The following STARD13 variants were observed in gnomAD, a reference collection of about 807,000 sequenced individuals.
STARD13 encodes the protein stAR-related lipid transfer protein 13.
In STARD13, 62 loss-of-function variants were observed where a neutral mutation model predicts 106.4. That is an observed-to-expected ratio of 0.58 (90% CI 0.48 to 0.72). STARD13 has a LOEUF of 0.72. Among genes scored for constraint, STARD13 ranks in the 30% least tolerant of loss-of-function variants. The pLI, the probability that STARD13 is intolerant of heterozygous loss-of-function variation, is 0.00. For synonymous variants in STARD13, 565 were observed against 553.0 expected (o/e 1.02, Z -0.31); for missense variants, 1,387 against 1,424.0 (o/e 0.97, Z 0.42).
At chr13:33,128,088 CAG>C (rs1228942602) in intron 5 of STARD13, among the ~76,000 whole-genome samples, 1 of 151,418 alleles carries the variant, frequency 6.6e-6, no homozygotes. Context: ...AAGATAGAGA[CAG>C]AGCAAGAGAC....
At chr13:33,581,566 A>G in the STARD13 span, among the ~76,000 whole-genome samples, 1 of 152,150 alleles carries the variant, frequency 6.6e-6, no homozygotes. Flanking sequence ...TCTTCATCCT[A>G]TTTACGTAGA....
the STARD13 span, among the ~76,000 whole-genome samples, chr13:33,532,651 T>C: frequency 2.4e-4 from 36 of 152,216 alleles, no homozygotes; most frequent in Admixed American, 2.3e-3. Flanking sequence ...ATGCTATTAA[T>C]ATACCTGGGA....
At chr13:33,150,015 A>G (rs1052778456) in intron 3 of STARD13, among the ~76,000 whole-genome samples, 1 of 152,196 alleles carries the variant, frequency 6.6e-6, no homozygotes, top group Non-Finnish European at 1.5e-5. Context: ...CAATTATAGA[A>G]TGTATTTGCA....
intron 1 of STARD13, among the ~76,000 whole-genome samples, chr13:33,201,908 A>G (rs1180823968): frequency 6.6e-6 from 1 of 152,014 alleles, no homozygotes; most frequent in Non-Finnish European, 1.5e-5. Flanking sequence ...TTGGATTCTT[A>G]AGAATTTTTA....
At chr13:33,240,003 C>T (rs1889388445) in intron 1 of STARD13, among the ~76,000 whole-genome samples, 1 of 152,066 alleles carries the variant, frequency 6.6e-6, no homozygotes, top group Non-Finnish European at 1.5e-5. Context: ...TGTTTCCTTC[C>T]AGAAATTTTA....
Position 33,213,133 on chromosome 13 carries a change from A to G in STARD13, c.170-45511T>C, listed in dbSNP as rs189128468. Among the ~76,000 whole-genome samples the G allele has an allele frequency of 3.7e-3, 568 of 152,358 alleles. 3 individuals carry two copies. The highest frequency in any genetic ancestry group is 6.6e-3 in the Non-Finnish European group (446 of 68,030). Reference sequence around the variant, plus strand: ...GACAATGAACTGTAACAGTAATGCCAGCTGGGTACATAAAATTCCAATGCT... The same window carrying G: ...GACAATGAACTGTAACAGTAATGCCGGCTGGGTACATAAAATTCCAATGCT... On this transcript the variant is annotated intron_variant, in intron 1 of 13. Transcript: ENST00000336934.
chr13:33,418,815 GCAAA>G, the STARD13 span, among the ~76,000 whole-genome samples: 1 of 152,222 alleles, frequency 6.6e-6, no homozygotes, highest in Non-Finnish European at 1.5e-5. Flanking sequence ...TGATACCCAG[GCAAA>G]CAGTGTCTGG....
At chr13:33,218,153 C>T (rs1888148657) in intron 1 of STARD13, among the ~76,000 whole-genome samples, 1 of 152,192 alleles carries the variant, frequency 6.6e-6, no homozygotes. Context: ...GCTTGAGCAA[C>T]ACCCTGAGAG....
chr13:33,350,820 C>T, upstream of STARD13: 1 of 212,406 alleles, frequency 4.7e-6, no homozygotes, highest in Non-Finnish European at 8.1e-6. Context: ...TCCCCACGGC[C>T]CCCCACTCAA....
At chr13:33,284,010 C>T (rs1167773782) in intron 1 of STARD13, among the ~76,000 whole-genome samples, 3 of 152,134 alleles carry the variant, frequency 2.0e-5, no homozygotes, top group Non-Finnish European at 2.9e-5. Flanking sequence ...CATTAAGCCT[C>T]GGTGTTCATA....
the STARD13 span, among the ~76,000 whole-genome samples, chr13:33,532,651 T>G: frequency 6.6e-6 from 1 of 152,216 alleles, no homozygotes; most frequent in Non-Finnish European, 1.5e-5. Flanking sequence ...ATGCTATTAA[T>G]ATACCTGGGA....
At chr13:33,156,176 CA>C (rs1193877452) in intron 3 of STARD13, among the ~76,000 whole-genome samples, 1 of 152,170 alleles carries the variant, frequency 6.6e-6, no homozygotes, top group African/African-American at 2.4e-5. Context: ...GGTGGCATTC[CA>C]ATTCCGAAAA....
the STARD13 span, among the ~76,000 whole-genome samples, chr13:33,477,171 T>TA: frequency 6.6e-6 from 1 of 152,254 alleles, no homozygotes; most frequent in Non-Finnish European, 1.5e-5. Context: ...TTTGTATGGC[T>TA]AATTGCTACA....
intron 1 of STARD13, among the ~76,000 whole-genome samples, chr13:33,331,797 T>C (rs2077840062): frequency 6.6e-6 from 1 of 152,176 alleles, no homozygotes; most frequent in Non-Finnish European, 1.5e-5. Flanking sequence ...ACTCAATAAA[T>C]GTTTTTCATG....
intron 1 of STARD13, among the ~76,000 whole-genome samples, chr13:33,168,155 T>G (rs1467326544): frequency 6.6e-6 from 1 of 152,134 alleles, no homozygotes. Context: ...TATTATTGTT[T>G]TAAAAATTTC....
chr13:33,461,750 T>C, the STARD13 span, among the ~76,000 whole-genome samples: 4 of 152,334 alleles, frequency 2.6e-5, no homozygotes, highest in Non-Finnish European at 4.4e-5. Context: ...TACTGGTTTT[T>C]CTTTGTTTCT....
chr13:33,507,805 T>C, the STARD13 span, among the ~76,000 whole-genome samples: 1 of 152,204 alleles, frequency 6.6e-6, no homozygotes, highest in Non-Finnish European at 1.5e-5. Flanking sequence ...GAAATTTTTT[T>C]TAAGAAAATC....
the STARD13 span, among the ~76,000 whole-genome samples, chr13:33,671,373 G>A: frequency 2.0e-5 from 3 of 152,220 alleles, no homozygotes; most frequent in Admixed American, 1.3e-4. Context: ...TTCTTGAATA[G>A]GATTATGTTT....
At chr13:33,594,613 C>T in the STARD13 span, among the ~76,000 whole-genome samples, 3 of 152,160 alleles carry the variant, frequency 2.0e-5, no homozygotes, top group African/African-American at 7.2e-5. Flanking sequence ...TCACCATCAT[C>T]CATATCCAGA....
Sources: allele counts gnomAD v4.1 joint callset (sites outside exome capture counted in the v4.1 genomes callset), GRCh38; gene constraint gnomAD v4.1.1; transcripts MANE v1.5; gene names NCBI Gene and HGNC (gene_info 2026-07-23, HGNC 2026-07-21).